FBXW12: variants seen among roughly 807,000 people sequenced by gnomAD.
FBXW12 encodes the protein F-box/WD repeat-containing protein 12.
FBXW12 carries 43 observed loss-of-function variants against 55.3 expected under a neutral mutation model. That is an observed-to-expected ratio of 0.78 (90% CI 0.61 to 1.00). The LOEUF (loss-of-function observed/expected upper bound fraction) is 1.00. FBXW12 is among the 50% of genes least tolerant of loss of function. The pLI is 0.00. For synonymous variants in FBXW12, 184 were observed against 203.8 expected, an observed-to-expected ratio of 0.90 and a Z score of 0.83; for missense variants, 524 against 560.5, an observed-to-expected ratio of 0.93 and a Z score of 0.66.
At position 48,379,491 on chromosome 3, in the gene FBXW12, T is replaced by C. The variant is rs778053640; in HGVS notation, c.707T>C (p.Leu236Pro). Residue 236 changes from leucine (L) to proline (P), a missense_variant, in exon 7 of 11, where the codon CTT becomes CCT. Physicochemically the swap from Leu to Pro is moderately conservative, Grantham distance 98 (BLOSUM62 -3). Transcript: ENST00000296438. The part of the protein sequence containing the change: ...KVTAFQYGIV[L>P]LHCSPDKKWV... ...ACTGCATTTCAATATGGTATTGTAC[T>C]TCTACACTGCTCTCCTGACAAGAAA... 4 of 1,614,074 alleles carry C rather than the reference T, an allele frequency of 2.5e-6. No individual in the cohort carries two copies. In the South Asian group the frequency reaches 4.4e-5, roughly 18 times the overall value.
At chr3:48,382,169 T>C in intron 10 of FBXW12, 84 bp downstream of exon 10, 2 of 1,461,284 alleles carry the variant, frequency 1.4e-6, no homozygotes, top group Middle Eastern at 2.4e-4. Context: ...CAGGCTGTAG[T>C]GCAGTGGCGT....
chr3:48,374,007 T>A (rs1295589357), intron 4 of FBXW12, among the ~76,000 whole-genome samples: 3 of 151,150 alleles, frequency 2.0e-5, no homozygotes, highest in Non-Finnish European at 4.4e-5. Flanking sequence ...AAAAAAAAAA[T>A]TAATGGGAAA....
intron 10 of FBXW12, among the ~76,000 whole-genome samples, chr3:48,389,182 G>T (rs2036886017): frequency 6.6e-6 from 1 of 152,156 alleles, no homozygotes; most frequent in Non-Finnish European, 1.5e-5. Context: ...CTTGAGCCCA[G>T]GAGTTCAAGG....
chr3:48,377,885 A>T (rs1308382358), intron 5 of FBXW12, among the ~76,000 whole-genome samples: 1 of 152,218 alleles, frequency 6.6e-6, no homozygotes, highest in African/African-American at 2.4e-5. Flanking sequence ...TCTATCTTGT[A>T]TGTAATGTAC....
intron 10 of FBXW12, among the ~76,000 whole-genome samples, chr3:48,391,355 C>CACAT (rs1301553701): frequency 0.052 from 7,397 of 141,308 alleles, 189 homozygotes; most frequent in Middle Eastern, 0.12. Context: ...CACACACACA[C>CACAT]ATATATATAT....
intron 6 of FBXW12, among the ~76,000 whole-genome samples, chr3:48,379,024 C>G (rs1441864050): frequency 6.6e-6 from 1 of 152,176 alleles, no homozygotes; most frequent in Admixed American, 6.5e-5. Flanking sequence ...AGCAATTCTT[C>G]TAAAGACAAA....
chr3:48,392,936 G>GT (rs1391777327), intron 10 of FBXW12, among the ~76,000 whole-genome samples: 1 of 147,978 alleles, frequency 6.8e-6, no homozygotes, highest in African/African-American at 2.5e-5. Flanking sequence ...ATTTGGGGAT[G>GT]TTTTCAGCTA....
chr3:48,385,531 T>C (rs140601251), intron 10 of FBXW12, among the ~76,000 whole-genome samples: 141 of 152,324 alleles, frequency 9.3e-4, no homozygotes, highest in African/African-American at 3.3e-3. Context: ...TTCCTTTGGA[T>C]GTATACCCAG....
rs1426412803 is a variant in FBXW12 at position 48,375,437 on chromosome 3, C to T, written c.370C>T (p.Pro124Ser). 6.2e-7 allele frequency: 1 copy of T among 1,610,908 alleles called. No individual in the cohort carries two copies. Among genetic ancestry groups the T allele is most frequent in the Admixed American group, 1.7e-5 (1 of 59,362 alleles). ...GAAATCAATCATTTGTAGTGTATCT[C>T]CAAAGCAAGAGCTTTGTGCCTGGGA... ...QEKSIICSVS[P>S]KQELCAWDVQ... Residue 124 changes from proline (P) to serine (S), a missense_variant, in exon 5 of 11, where the codon CCA (proline) becomes TCA (serine). Transcript: ENST00000296438.
rs759826513 is a variant in FBXW12, at chr3:48,382,082, A to G, written c.1292A>G (p.Asp431Gly). ...LENTWHDHTT[D>G]SCISSVMCDN... ...AACACGTGGCATGATCACACAACAG[A>G]CAGGTAAGCTCTGTTTTGTGATGTA... The change falls in exon 10 of 11, where the codon GAC becomes GGC. Residue 431 changes from aspartate to glycine, a missense_variant. Transcript: ENST00000296438. 2 of 1,613,742 alleles carry G rather than the reference A, an allele frequency of 1.2e-6. No individual in the cohort carries two copies. Among genetic ancestry groups the G allele is most frequent in the Non-Finnish European group, 1.7e-6 (2 of 1,180,020 alleles).
Position 48,394,641 on chromosome 3 carries a change from GT to G in FBXW12, c.1378del (p.Tyr460IlefsTer3), listed in dbSNP as rs1359861397. On this transcript the variant is annotated frameshift_variant, in exon 11 of 11. Transcript: ENST00000296438. LOFTEE classifies it high-confidence loss of function. ...TAAGTGACTCCAGCATTCTGGTGAT[GT>G]ATTCTTTGAATACGTAATATGGAAA... ...KVSDSSILVM[Y>X]SLNT The G allele has an allele frequency of 6.3e-7, 1 of 1,590,476 alleles. No homozygotes were observed. Among genetic ancestry groups the G allele is most frequent in the Non-Finnish European group, 8.6e-7 (1 of 1,162,162 alleles).
Position 48,378,312 on chromosome 3 carries a change from T to C in FBXW12, c.406-5T>C. 1.2e-6 allele frequency: 2 copies of C among 1,613,188 alleles called. No individual in the cohort carries two copies. Among genetic ancestry groups the C allele is most frequent in the South Asian group, 1.1e-5 (1 of 91,046 alleles). ...AACACAGGTCGTGTTACTCTCGTTT[T>C]CTAGGGTACCATGATCTGGTCAAGC... On this transcript the variant is annotated splice_polypyrimidine_tract_variant and splice_region_variant and intron_variant, in intron 5 of 10. Transcript: ENST00000296438.
intron 10 of FBXW12, among the ~76,000 whole-genome samples, chr3:48,382,856 G>A (rs2036797935): frequency 6.6e-6 from 1 of 151,854 alleles, no homozygotes; most frequent in Non-Finnish European, 1.5e-5. Context: ...GTGCTTTTTT[G>A]GCAACATCTA....
At chr3:48,386,516 T>C (rs2036850863) in intron 10 of FBXW12, among the ~76,000 whole-genome samples, 1 of 152,250 alleles carries the variant, frequency 6.6e-6, no homozygotes, top group Non-Finnish European at 1.5e-5. Flanking sequence ...CTTTTTCTAT[T>C]TCTGTGGAAA....
chr3:48,384,767 A>G (rs1455173701), intron 10 of FBXW12, among the ~76,000 whole-genome samples: 1 of 152,166 alleles, frequency 6.6e-6, no homozygotes, highest in African/African-American at 2.4e-5. Flanking sequence ...TGATATAAGC[A>G]TATAGTTTTT....
At chr3:48,391,457 G>C (rs1007588549) in intron 10 of FBXW12, among the ~76,000 whole-genome samples, 1 of 151,574 alleles carries the variant, frequency 6.6e-6, no homozygotes, top group Non-Finnish European at 1.5e-5. Flanking sequence ...TTGGCTGGCT[G>C]CTCTAGCTAG....
chr3:48,378,224 T>C, intron 5 of FBXW12, 93 bp from the exon 6 acceptor site: 1 of 950,236 alleles, frequency 1.1e-6, no homozygotes, highest in Non-Finnish European at 1.7e-6. Flanking sequence ...AAGATCTGAT[T>C]TGGAAGAGGC....
At chr3:48,393,906 G>A (rs1263393888) in intron 10 of FBXW12, among the ~76,000 whole-genome samples, 1 of 151,322 alleles carries the variant, frequency 6.6e-6, no homozygotes, top group Non-Finnish European at 1.5e-5. Flanking sequence ...AGCCTCCCGA[G>A]TAGCTGGGAC....
intron 10 of FBXW12, among the ~76,000 whole-genome samples, chr3:48,385,488 C>T (rs1246863134): frequency 1.3e-5 from 2 of 152,060 alleles, no homozygotes; most frequent in Non-Finnish European, 2.9e-5. Flanking sequence ...GAGTAATGAG[C>T]GTGCAGACAT....
Sources: gnomAD v4.1 joint callset for allele counts (sites outside exome capture counted in the v4.1 genomes callset) on GRCh38, gnomAD v4.1.1 for gene constraint, MANE v1.5 for transcripts, NCBI Gene and HGNC (gene_info 2026-07-23, HGNC 2026-07-21) for gene names.